Variants in MSR1 observed in about 807,000 individuals in gnomAD.
The protein encoded by MSR1 is macrophage scavenger receptor 1.
MSR1 carries 53 observed loss-of-function variants against 47.2 expected under a neutral mutation model. The ratio of observed to expected loss-of-function variants is 1.12; its 90% CI spans 0.90 to 1.41. The LOEUF (loss-of-function observed/expected upper bound fraction) is 1.41. Ranked by LOEUF, MSR1 falls within the 40% of genes most tolerant of loss-of-function variation. MSR1 has a pLI of 0.00. For missense variants in MSR1, 786 were observed against 546.9 expected (o/e 1.44, Z -4.36); for synonymous variants, 239 against 185.6 (o/e 1.29, Z -2.34).
intron 1 of MSR1, among the ~76,000 whole-genome samples, chr8:16,179,615 C>T (rs1801765298): frequency 1.3e-5 from 2 of 152,154 alleles, no homozygotes; most frequent in South Asian, 2.1e-4. Flanking sequence ...CACAGTGGCT[C>T]ACGCCTGTAA....
chr8:16,172,793 C>T (rs1457585263), intron 3 of MSR1, among the ~76,000 whole-genome samples: 1 of 151,936 alleles, frequency 6.6e-6, no homozygotes, highest in Non-Finnish European at 1.5e-5. Context: ...ATGGAATAAA[C>T]CTTATAATTA....
intron 8 of MSR1, chr8:16,120,868 C>G: frequency 2.1e-6 from 1 of 482,362 alleles, no homozygotes; most frequent in East Asian, 3.8e-5. Flanking sequence ...GAGGACACGT[C>G]ACAGATTATA....
At chr8:16,113,948 G>C (rs539067766) in intron 9 of MSR1, among the ~76,000 whole-genome samples, 284 of 112,982 alleles carry the variant, frequency 2.5e-3, no homozygotes, top group African/African-American at 9.2e-3. Context: ...GTACAACTTT[G>C]ATGACCTCTG....
intron 8 of MSR1, among the ~76,000 whole-genome samples, chr8:16,122,721 T>C (rs77182621): frequency 6.6e-6 from 1 of 151,962 alleles, no homozygotes; most frequent in Admixed American, 6.6e-5. Context: ...CAGAAACAGA[T>C]AGTGCTGCTG....
chr8:16,186,532 A>G (rs1484826714), intron 1 of MSR1, among the ~76,000 whole-genome samples: 1 of 151,016 alleles, frequency 6.6e-6, no homozygotes, highest in Admixed American at 6.6e-5. Flanking sequence ...CTCTCATCCA[A>G]CCCTGTTGCT....
In MSR1 at chr8:16,179,797, T is replaced by C. The variant is rs540785136; in HGVS notation, c.-4-1805A>G. ...GAGGCTGAGGCAGTAAAATCGCTTG[T>C]ACCCGGAAGACAGAACTTGCAGTGA... On this transcript the variant is annotated intron_variant, in intron 1 of 9. Coordinates refer to ENST00000262101, the MANE Select transcript of MSR1 (RefSeq NM_138715.3). Among the ~76,000 whole-genome samples the C allele has an allele frequency of 2.9e-5, 4 of 136,700 alleles. No individual in the cohort carries two copies. In the South Asian group the frequency reaches 9.0e-4, roughly 31 times the overall value. The allele number at this position is 136,700 out of a possible 152,430, so 89.7% of individuals were successfully genotyped here. A position where few individuals can be genotyped will look rare whatever the true frequency, so the allele number is the denominator to read the frequency against.
Position 16,168,795 on chromosome 8 carries a change from G to A in MSR1, c.293C>T (p.Thr98Met), listed in dbSNP as rs569058358. Residue 98 changes from threonine (T) to methionine (M), a missense_variant, in exon 4 of 10, where the codon ACG (threonine) becomes ATG (methionine). Physicochemically the swap from Thr to Met is moderately conservative, Grantham distance 81. Transcript: ENST00000262101. ...CTCTTCGCTGTCATTTCCTTTTCCC[G>A]TGAGACTTTGAGTTATATCATTTGC... ...TNANDITQSLTGKGNDSEEEM... is the reference protein window; with the variant it reads ...TNANDITQSLMGKGNDSEEEM... The A allele has an allele frequency of 2.4e-5, 39 of 1,613,824 alleles. No individual in the cohort carries two copies. The highest frequency in any genetic ancestry group is 6.7e-5 in the African/African-American group (5 of 74,952).
chr8:16,191,376 T>C (rs2116958647), intron 1 of MSR1, among the ~76,000 whole-genome samples: 1 of 152,278 alleles, frequency 6.6e-6, no homozygotes, highest in South Asian at 2.1e-4. Context: ...TTTAACTTAT[T>C]TGAATTGAAC....
At chr8:16,156,354 A>G (rs1417894635) in intron 5 of MSR1, among the ~76,000 whole-genome samples, 1 of 151,900 alleles carries the variant, frequency 6.6e-6, no homozygotes. Flanking sequence ...AAGAGGGGGA[A>G]CCACATAAAT....
chr8:16,167,915 T>G (rs1279996186), intron 4 of MSR1, among the ~76,000 whole-genome samples: 4 of 152,166 alleles, frequency 2.6e-5, no homozygotes, highest in Non-Finnish European at 5.9e-5. Flanking sequence ...CACTGATAGA[T>G]TTTAGACGTG....
At chr8:16,182,534 A>G (rs1317486841) in intron 1 of MSR1, among the ~76,000 whole-genome samples, 1 of 151,850 alleles carries the variant, frequency 6.6e-6, no homozygotes, top group Non-Finnish European at 1.5e-5. Flanking sequence ...CTTTCTAAAC[A>G]GCTTTATCCT....
intron 6 of MSR1, among the ~76,000 whole-genome samples, chr8:16,152,877 A>G (rs1311983418): frequency 6.6e-6 from 1 of 152,038 alleles, no homozygotes; most frequent in Non-Finnish European, 1.5e-5. Flanking sequence ...ATTGTAGAAC[A>G]CCAGGCCTGG....
chr8:16,112,697 G>A (rs1799785109), intron 9 of MSR1, among the ~76,000 whole-genome samples: 1 of 151,884 alleles, frequency 6.6e-6, no homozygotes, highest in Non-Finnish European at 1.5e-5. Flanking sequence ...TGTTATTCAA[G>A]GATCTTCGTT....
intron 3 of MSR1, among the ~76,000 whole-genome samples, chr8:16,171,352 A>G (rs1563164750): frequency 6.6e-6 from 1 of 152,004 alleles, no homozygotes; most frequent in African/African-American, 2.4e-5. Context: ...ATGATACCAT[A>G]TTTTTCCTTG....
At chr8:16,147,118 A>C (rs1276399742) in intron 7 of MSR1, among the ~76,000 whole-genome samples, 3 of 152,166 alleles carry the variant, frequency 2.0e-5, no homozygotes, top group Non-Finnish European at 4.4e-5. Context: ...GTAGAACAGA[A>C]CCTTCTACGG....
chr8:16,175,292 T>G lies in MSR1; in HGVS notation c.112A>C (p.Asn38His). The change falls in exon 3 of 10, where the codon AAC becomes CAC. Residue 38 changes from asparagine (N) to histidine (H), a missense_variant. Coordinates refer to ENST00000262101, the MANE Select transcript of MSR1 (RefSeq NM_138715.3). ...AGTTTCTCTTGAAGGGAAGGGCTGT[T>G]TTTAGGATCTAATAAAACAAAAAAG... ...MTALLPPNPK[N>H]SPSLQEKLKS... The G allele has an allele frequency of 6.2e-7, 1 of 1,613,800 alleles. No individual in the cohort carries two copies. Among genetic ancestry groups the G allele is most frequent in the Non-Finnish European group, 8.5e-7 (1 of 1,179,712 alleles).
At position 16,154,322 on chromosome 8, in the gene MSR1, TCAAGC is replaced by T. The variant is rs35549866; in HGVS notation, c.898+737_898+741del. Among the ~76,000 whole-genome samples, 293 of 152,180 alleles carry T rather than the reference TCAAGC, an allele frequency of 1.9e-3. 1 individual carries two copies. The highest frequency in any genetic ancestry group is 6.9e-3 in the African/African-American group (285 of 41,560). On this transcript the variant is annotated intron_variant, in intron 6 of 9. Coordinates refer to ENST00000262101, the MANE Select transcript of MSR1 (RefSeq NM_138715.3). Reference sequence around the variant, plus strand: ...CAAACGGCATGCAGGATATTTGATTTCAAGCCAAGGCTAACATGACAATCATGTTA... The same window carrying T: ...CAAACGGCATGCAGGATATTTGATTTCAAGGCTAACATGACAATCATGTTA...
intron 8 of MSR1, among the ~76,000 whole-genome samples, chr8:16,137,479 T>G (rs1585150181): frequency 1.3e-5 from 2 of 152,092 alleles, no homozygotes; most frequent in African/African-American, 4.8e-5. Flanking sequence ...TCTTTCTCTT[T>G]GCATACCCTC....
chr8:16,120,815 T>TA (rs1260952267), intron 8 of MSR1: 2 of 631,538 alleles, frequency 3.2e-6, no homozygotes, highest in Non-Finnish European at 5.3e-6. Flanking sequence ...TAACAGCTGT[T>TA]AAGAGCAAAA....
Sources: allele counts gnomAD v4.1 joint callset (sites outside exome capture counted in the v4.1 genomes callset), GRCh38; gene constraint gnomAD v4.1.1; transcripts MANE v1.5; gene names NCBI Gene and HGNC (gene_info 2026-07-23, HGNC 2026-07-21).